The following SLC36A1 variants were observed in gnomAD, a reference collection of about 807,000 sequenced individuals.
SLC36A1 encodes solute carrier family 36 member 1.
A neutral mutation model predicts 47.5 loss-of-function variants in SLC36A1; 30 were observed. The ratio of observed to expected loss-of-function variants is 0.63; its 90% CI spans 0.47 to 0.86. The LOEUF (loss-of-function observed/expected upper bound fraction) is 0.86, where lower values mean the gene tolerates loss of function less well. Among genes scored for constraint, SLC36A1 ranks in the 40% least tolerant of loss-of-function variants. The probability of loss-of-function intolerance (pLI) is 0.00; values close to 1 mark genes in which losing one functional copy is unlikely to be tolerated. For synonymous variants in SLC36A1, 255 were observed against 249.7 expected, an observed-to-expected ratio of 1.02 and a Z score of -0.20; for missense variants, 517 against 606.0, an observed-to-expected ratio of 0.85 and a Z score of 1.54.
the SLC36A1 span, chr5:151,532,019 G>A: frequency 1.9e-6 from 3 of 1,594,072 alleles, no homozygotes; most frequent in Non-Finnish European, 2.6e-6. Context: ...GCCTCCTCTG[G>A]ACCTGCCTGC....
At chr5:151,388,500 T>TAAAAA in the SLC36A1 span, among the ~76,000 whole-genome samples, 2 of 39,304 alleles carry the variant, frequency 5.1e-5, no homozygotes, top group Non-Finnish European at 8.4e-5. Flanking sequence ...AAACTCCATC[T>TAAAAA]CAAAAGAAAA....
At chr5:151,553,498 A>G in the SLC36A1 span, 2,059 of 906,310 alleles carry the variant, frequency 2.3e-3, 27 homozygotes, top group African/African-American at 0.03. Context: ...CAGGCCTCTC[A>G]TCCAGTCATT....
At chr5:151,521,954 C>T in the SLC36A1 span, 1 of 1,614,156 alleles carries the variant, frequency 6.2e-7, no homozygotes, top group Non-Finnish European at 8.5e-7. Flanking sequence ...ACCATGCCAC[C>T]CTGGAACTCA....
At chr5:151,539,345 T>C in the SLC36A1 span, among the ~76,000 whole-genome samples, 7 of 152,224 alleles carry the variant, frequency 4.6e-5, no homozygotes, top group African/African-American at 1.4e-4. Flanking sequence ...TGTCTATACA[T>C]TCATATGTGT....
the SLC36A1 span, among the ~76,000 whole-genome samples, chr5:151,517,023 G>T: frequency 6.6e-6 from 1 of 151,568 alleles, no homozygotes; most frequent in Non-Finnish European, 1.5e-5. Context: ...CAGGAGAATC[G>T]CTTGAACCTG....
the SLC36A1 span, among the ~76,000 whole-genome samples, chr5:151,536,622 G>T: frequency 6.6e-6 from 1 of 152,218 alleles, no homozygotes; most frequent in Non-Finnish European, 1.5e-5. Context: ...GGCCTACCCT[G>T]CAGGAATCTC....
At chr5:151,526,893 GAAAC>G in the SLC36A1 span, among the ~76,000 whole-genome samples, 1 of 152,036 alleles carries the variant, frequency 6.6e-6, no homozygotes, top group Non-Finnish European at 1.5e-5. Flanking sequence ...TTGGGTTCTG[GAAAC>G]AAACAAAAAA....
At chr5:151,366,414 GA>G in the SLC36A1 span, 1 of 185,848 alleles carries the variant, frequency 5.4e-6, no homozygotes, top group Non-Finnish European at 1.2e-5. Context: ...GTGGAGTTTG[GA>G]AAGAGGAGAG....
the SLC36A1 span, among the ~76,000 whole-genome samples, chr5:151,516,546 C>T: frequency 2.0e-5 from 3 of 152,082 alleles, no homozygotes; most frequent in Non-Finnish European, 4.4e-5. Context: ...TTGCAACTCT[C>T]CTCACCCCTG....
At chr5:151,383,246 G>T in the SLC36A1 span, among the ~76,000 whole-genome samples, 81,625 of 151,994 alleles carry the variant, frequency 0.54, 25,133 homozygotes, top group African/African-American at 0.86. Context: ...TAATAAATAC[G>T]GCAGCAGGGA....
At chr5:151,530,784 G>A in the SLC36A1 span, among the ~76,000 whole-genome samples, 2 of 152,198 alleles carry the variant, frequency 1.3e-5, no homozygotes. Context: ...GCGGTTGGAT[G>A]GATGTAGGGG....
At chr5:151,452,844 T>A (rs1257774000) in intron 1 of SLC36A1, among the ~76,000 whole-genome samples, 1 of 146,616 alleles carries the variant, frequency 6.8e-6, no homozygotes, top group Admixed American at 6.8e-5. Flanking sequence ...CACTCCAGCC[T>A]GGGCAACAGA....
chr5:151,420,165 C>T, the SLC36A1 span, among the ~76,000 whole-genome samples: 22,157 of 152,130 alleles, frequency 0.15, 2,085 homozygotes, highest in East Asian at 0.38. Context: ...CTGAAGGGCT[C>T]CAAAAATCAT....
chr5:151,416,401 A>G, the SLC36A1 span, among the ~76,000 whole-genome samples: 1 of 152,218 alleles, frequency 6.6e-6, no homozygotes, highest in East Asian at 1.9e-4. Context: ...GAAGTGAGGA[A>G]ATTGTTCCAA....
At chr5:151,482,614 A>G (rs1181723930) in intron 10 of SLC36A1, among the ~76,000 whole-genome samples, 1 of 152,128 alleles carries the variant, frequency 6.6e-6, no homozygotes, top group Non-Finnish European at 1.5e-5. Flanking sequence ...TTCACATTTT[A>G]TTTAGTTTTA....
chr5:151,443,382 T>C (rs1046709359), upstream of SLC36A1, among the ~76,000 whole-genome samples: 4 of 152,202 alleles, frequency 2.6e-5, no homozygotes, highest in African/African-American at 9.7e-5. Context: ...TGAGGTGATA[T>C]CTAATAATGA....
the SLC36A1 span, chr5:151,529,531 A>G: frequency 2.7e-5 from 18 of 656,918 alleles, no homozygotes; most frequent in South Asian, 3.2e-4. Context: ...CTCCCCATCC[A>G]TCTCCCTTTG....
chr5:151,360,217 T>A, the SLC36A1 span, among the ~76,000 whole-genome samples: 1 of 152,204 alleles, frequency 6.6e-6, no homozygotes, highest in African/African-American at 2.4e-5. Context: ...AAAATCCATG[T>A]ATAGCTTTTC....
chr5:151,382,057 C>T, the SLC36A1 span: 14 of 703,248 alleles, frequency 2.0e-5, no homozygotes, highest in African/African-American at 2.3e-4. Flanking sequence ...CTTCCTGTTA[C>T]AGGAGGCACT....
Sources: allele counts gnomAD v4.1 joint callset (sites outside exome capture counted in the v4.1 genomes callset), GRCh38; gene constraint gnomAD v4.1.1; transcripts MANE v1.5; gene names NCBI Gene and HGNC (gene_info 2026-07-23, HGNC 2026-07-21).